Variants in COPG2 observed in about 807,000 individuals in gnomAD.
The protein encoded by COPG2 is coatomer subunit gamma-2.
COPG2 carries 37 observed loss-of-function variants against 46.3 expected under a neutral mutation model. The observed-to-expected ratio is 0.80, with a 90% CI of 0.61 to 1.05. COPG2 has a LOEUF of 1.05. Among genes scored for constraint, COPG2 ranks in the 50% least tolerant of loss-of-function variants. COPG2 has a pLI of 0.00. For synonymous variants in COPG2, 159 were observed against 129.7 expected, an observed-to-expected ratio of 1.23 and a Z score of -1.53; for missense variants, 427 against 387.8, an observed-to-expected ratio of 1.10 and a Z score of -0.85.
At chr7:130,571,329 G>A (rs1793894282) in intron 9 of COPG2, among the ~76,000 whole-genome samples, 1 of 151,900 alleles carries the variant, frequency 6.6e-6, no homozygotes, top group South Asian at 2.1e-4. Context: ...AAACTACAAG[G>A]ACCTCAAACA....
chr7:130,596,349 G>C (rs1554449667), intron 9 of COPG2, among the ~76,000 whole-genome samples: 1 of 152,176 alleles, frequency 6.6e-6, no homozygotes, highest in Non-Finnish European at 1.5e-5. Context: ...CAGCAAAATA[G>C]GTCCGCTGGA....
At chr7:130,511,564 T>C (rs1441036427) in intron 20 of COPG2, 9 of 519,460 alleles carry the variant, frequency 1.7e-5, no homozygotes, top group Non-Finnish European at 3.1e-5. Flanking sequence ...AACATTAGAG[T>C]TGTCCTCAGA....
At chr7:130,636,773 A>G (rs1359078973) in intron 5 of COPG2, among the ~76,000 whole-genome samples, 7 of 152,156 alleles carry the variant, frequency 4.6e-5, no homozygotes, top group African/African-American at 1.4e-4. Flanking sequence ...TTATGATGCT[A>G]GCTGGCTATT....
intron 9 of COPG2, among the ~76,000 whole-genome samples, chr7:130,570,736 T>C (rs1793881600): frequency 6.6e-6 from 1 of 151,992 alleles, no homozygotes; most frequent in Non-Finnish European, 1.5e-5. Flanking sequence ...AGAGCCCACA[T>C]AGCCAAAGCA....
At chr7:130,557,829 A>AAAAAAC (rs1175819804) in intron 12 of COPG2, among the ~76,000 whole-genome samples, 1 of 147,834 alleles carries the variant, frequency 6.8e-6, no homozygotes, top group Admixed American at 6.7e-5. Flanking sequence ...AAAAAAAAAA[A>AAAAAAC]AAAAAAAAAT....
chr7:130,621,507 T>C (rs1481452893), intron 5 of COPG2, among the ~76,000 whole-genome samples: 2 of 152,160 alleles, frequency 1.3e-5, no homozygotes, highest in African/African-American at 4.8e-5. Flanking sequence ...TGTGGCTGTG[T>C]TCCAACAAAA....
At chr7:130,631,172 CTTTT>C (rs55966949) in intron 5 of COPG2, among the ~76,000 whole-genome samples, 1 of 102,334 alleles carries the variant, frequency 9.8e-6, no homozygotes, top group Non-Finnish European at 2.1e-5. Context: ...TTTTTCTTTT[CTTTT>C]TTTTTTTTTT....
chr7:130,660,542 TAC>T (rs1241960010), intron 4 of COPG2, among the ~76,000 whole-genome samples: 1 of 152,172 alleles, frequency 6.6e-6, no homozygotes, highest in Non-Finnish European at 1.5e-5. Context: ...TGTCACCTGC[TAC>T]CATTGCTGGT....
At chr7:130,562,273 C>T (rs1242512965) in intron 11 of COPG2, among the ~76,000 whole-genome samples, 3 of 152,258 alleles carry the variant, frequency 2.0e-5, no homozygotes, top group South Asian at 2.1e-4. Context: ...GCATGAGAAT[C>T]GCTTGAACCT....
chr7:130,604,705 A>G (rs782030652), intron 9 of COPG2: 4 of 516,564 alleles, frequency 7.7e-6, no homozygotes, highest in African/African-American at 1.9e-5. Flanking sequence ...GCAAAATACT[A>G]TTTAAAAAAT....
chr7:130,531,505 A>C (rs1799824776), intron 20 of COPG2, among the ~76,000 whole-genome samples: 1 of 152,036 alleles, frequency 6.6e-6, no homozygotes, highest in South Asian at 2.1e-4. Flanking sequence ...GGCCAAAGGT[A>C]AGGACAGAGT....
chr7:130,662,008 A>C (rs565250883), intron 4 of COPG2, among the ~76,000 whole-genome samples: 3 of 152,294 alleles, frequency 2.0e-5, no homozygotes, highest in South Asian at 4.1e-4. Context: ...TAGGACCTTG[A>C]CTGGCAAGGA....
Position 130,508,539 on chromosome 7 carries a change from GTCTC to G in COPG2, c.2247+19_2247+22del. 1.3e-6 allele frequency: 1 copy of G among 759,644 alleles called. No homozygotes were observed. Among genetic ancestry groups the G allele is most frequent in the Admixed American group, 1.8e-5 (1 of 55,188 alleles). The allele number at this position is 759,644 out of a possible 1,614,324, so 47.1% of individuals were successfully genotyped here. A position where few individuals can be genotyped will look rare whatever the true frequency, so the allele number is the denominator to read the frequency against. ...TAGTGTTGTGAAGGTGTCAAAGAAA[GTCTC>G]TATGCTGGGAAGACTCACCACATAC... On this transcript the variant is annotated intron_variant, in intron 21 of 23. Transcript: ENST00000425248.
intron 20 of COPG2, among the ~76,000 whole-genome samples, chr7:130,545,379 G>A (rs1203315812): frequency 5.9e-5 from 9 of 152,034 alleles, no homozygotes; most frequent in African/African-American, 2.2e-4. Flanking sequence ...TTTTCACTGC[G>A]ATTATAAGGA....
intron 12 of COPG2, among the ~76,000 whole-genome samples, chr7:130,558,025 G>A (rs1395043751): frequency 6.6e-6 from 1 of 151,578 alleles, no homozygotes; most frequent in Non-Finnish European, 1.5e-5. Context: ...GAGTTTGTAT[G>A]AACATACAAA....
chr7:130,524,415 C>T (rs1387575037), intron 20 of COPG2, among the ~76,000 whole-genome samples: 1 of 152,144 alleles, frequency 6.6e-6, no homozygotes, highest in East Asian at 1.9e-4. Flanking sequence ...AAACGACCAA[C>T]CTGCGCCCCA....
At chr7:130,625,520 G>A (rs542657340) in intron 5 of COPG2, among the ~76,000 whole-genome samples, 55 of 151,446 alleles carry the variant, frequency 3.6e-4, no homozygotes, top group African/African-American at 1.2e-3. Flanking sequence ...AAAAAAAAAA[G>A]GGGGTCATTT....
chr7:130,667,301 T>C (rs1796105605), intron 2 of COPG2, among the ~76,000 whole-genome samples, 181 bp downstream of exon 2: 1 of 152,246 alleles, frequency 6.6e-6, no homozygotes, highest in South Asian at 2.1e-4. Context: ...TTTGCATTTC[T>C]ATAAGCTCCA....
At position 130,506,662 on chromosome 7, in the gene COPG2, T is replaced by G. The variant is rs1554440090; in HGVS notation, c.*14A>C. 1.3e-6 allele frequency: 1 copy of G among 778,100 alleles called. No individual in the cohort carries two copies. The highest frequency in any genetic ancestry group is 1.3e-5 in the South Asian group (1 of 74,280). The allele number at this position is 778,100 out of a possible 1,614,324, so 48.2% of individuals were successfully genotyped here. On this transcript the variant is annotated 3_prime_UTR_variant, in exon 24 of 24. Transcript: ENST00000425248. ...CATGTAGTGTGCATCAGTTTCCTCT[T>G]GTCCAGTAAGCATTTATCCAACAGA...
Sources: allele counts gnomAD v4.1 joint callset (sites outside exome capture counted in the v4.1 genomes callset), GRCh38; gene constraint gnomAD v4.1.1; transcripts MANE v1.5; gene names NCBI Gene and HGNC (gene_info 2026-07-23, HGNC 2026-07-21).